Variants in ENTPD1 observed in about 807,000 individuals in gnomAD.
The protein encoded by ENTPD1 is ATP diphosphohydrolase.
A neutral mutation model predicts 57.0 loss-of-function variants in ENTPD1; 33 were observed. The observed-to-expected ratio is 0.58, with a 90% CI of 0.44 to 0.77. The LOEUF (loss-of-function observed/expected upper bound fraction) is 0.77, where lower values mean the gene tolerates loss of function less well. ENTPD1 is among the 30% of genes least tolerant of loss of function. The probability of loss-of-function intolerance (pLI) is 0.00; values close to 1 mark genes in which losing one functional copy is unlikely to be tolerated. For missense variants in ENTPD1, 501 were observed against 603.4 expected (o/e 0.83, Z 1.78); for synonymous variants, 202 against 218.8 (o/e 0.92, Z 0.68).
At chr10:95,719,795 C>G (rs1489159210) in intron 1 of ENTPD1, among the ~76,000 whole-genome samples, 4 of 152,310 alleles carry the variant, frequency 2.6e-5, no homozygotes, top group Admixed American at 2.6e-4. Flanking sequence ...TGGGGGCTAT[C>G]CCTGAACCCT....
chr10:95,864,971 A>G (rs2098471615), intron 9 of ENTPD1, 110 bp downstream of exon 9: 3 of 1,307,654 alleles, frequency 2.3e-6, no homozygotes, highest in Non-Finnish European at 3.2e-6. Context: ...CTTTGGCTTG[A>G]TGTCCTGTTC....
chr10:95,794,509 G>A (rs556436202), intron 1 of ENTPD1, among the ~76,000 whole-genome samples: 23 of 152,242 alleles, frequency 1.5e-4, no homozygotes, highest in African/African-American at 4.1e-4. Flanking sequence ...CCCAGCCCCC[G>A]AGGGATTCTG....
At chr10:95,724,789 C>G (rs1189686555) in intron 1 of ENTPD1, among the ~76,000 whole-genome samples, 2 of 152,252 alleles carry the variant, frequency 1.3e-5, no homozygotes, top group African/African-American at 4.8e-5. Context: ...CAAACATGGA[C>G]CAGAAGAGTG....
chr10:95,718,817 T>C (rs1488877672), intron 1 of ENTPD1, among the ~76,000 whole-genome samples: 2 of 152,166 alleles, frequency 1.3e-5, no homozygotes, highest in African/African-American at 4.8e-5. Flanking sequence ...AAGTTGAGGT[T>C]GGGATCAGTT....
chr10:95,778,986 C>T (rs1162718530), intron 1 of ENTPD1, among the ~76,000 whole-genome samples: 1 of 152,042 alleles, frequency 6.6e-6, no homozygotes, highest in Non-Finnish European at 1.5e-5. Flanking sequence ...GGTCATAGAC[C>T]AAAAGTACTG....
the ENTPD1 span, among the ~76,000 whole-genome samples, chr10:95,697,274 CA>C: frequency 1.3e-5 from 2 of 150,474 alleles, no homozygotes; most frequent in Non-Finnish European, 3.0e-5. Flanking sequence ...CGGTGGATAG[CA>C]GAAGAATTTT....
intron 1 of ENTPD1, among the ~76,000 whole-genome samples, chr10:95,779,217 C>G (rs1330278907): frequency 1.3e-5 from 2 of 152,112 alleles, no homozygotes; most frequent in African/African-American, 4.8e-5. Flanking sequence ...CATAGAGATC[C>G]TCTCCCATTT....
At chr10:95,825,783 T>C (rs1190779783) in intron 2 of ENTPD1, among the ~76,000 whole-genome samples, 1 of 152,118 alleles carries the variant, frequency 6.6e-6, no homozygotes, top group Non-Finnish European at 1.5e-5. Context: ...TTTCACCATG[T>C]TAGCCAGGAT....
chr10:95,872,467 C>T lies in ENTPD1; in HGVS notation c.*6084C>T, dbSNP rs1266067550. 4.1e-6 allele frequency: 4 copies of T among 985,132 alleles called. No individual in the cohort carries two copies. The highest frequency in any genetic ancestry group is 2.4e-6 in the Non-Finnish European group (2 of 829,640). 61.0% of individuals were successfully genotyped at this position (985,132 alleles called of 1,614,324 possible). ...GTCTTCTCAACTTGGAATACTCTTG[C>T]ACCTTCAAAGCTCATTTCAAATGCC... On this transcript the variant is annotated 3_prime_UTR_variant, in exon 10 of 10. Coordinates refer to ENST00000371205, the MANE Select transcript of ENTPD1 (RefSeq NM_001776.6).
intron 6 of ENTPD1, chr10:95,846,142 TG>T (rs1379457413): frequency 1.2e-5 from 2 of 163,448 alleles, no homozygotes; most frequent in African/African-American, 4.8e-5. Context: ...CTGAGGTGGG[TG>T]GATCACTTGA....
chr10:95,809,191 CA>C (rs2098285746), intron 1 of ENTPD1, among the ~76,000 whole-genome samples: 1 of 152,192 alleles, frequency 6.6e-6, no homozygotes, highest in Admixed American at 6.5e-5. Context: ...TTCTTTTCGA[CA>C]AAACCACCAT....
At chr10:95,864,632 T>G in intron 8 of ENTPD1, 92 bp from the exon 9 acceptor site, 1 of 1,565,468 alleles carries the variant, frequency 6.4e-7, no homozygotes, top group Non-Finnish European at 8.8e-7. Context: ...GCTGGGGCTT[T>G]CCCCTCTCTT....
intron 1 of ENTPD1, among the ~76,000 whole-genome samples, chr10:95,777,137 C>T (rs553478100): frequency 3.9e-5 from 6 of 152,310 alleles, no homozygotes; most frequent in Admixed American, 6.5e-5. Context: ...TCTGTCAGCT[C>T]GTCAAAGTCA....
chr10:95,772,077 C>A (rs893523993), intron 1 of ENTPD1, among the ~76,000 whole-genome samples: 1 of 152,196 alleles, frequency 6.6e-6, no homozygotes, highest in Non-Finnish European at 1.5e-5. Context: ...AAAAAATGCA[C>A]CTTAATTAAA....
chr10:95,864,667 G>T, intron 8 of ENTPD1, 57 bp from the exon 9 acceptor site: 1 of 1,610,206 alleles, frequency 6.2e-7, no homozygotes, highest in Non-Finnish European at 8.5e-7. Flanking sequence ...GAGAAAAAGA[G>T]GGCCACAGAG....
chr10:95,717,873 A>G (rs527705406), intron 1 of ENTPD1, among the ~76,000 whole-genome samples: 1 of 152,260 alleles, frequency 6.6e-6, no homozygotes, highest in Admixed American at 6.5e-5. Context: ...TCTGCAGTAG[A>G]TCTCAGTCAT....
At position 95,873,348 on chromosome 10, in the gene ENTPD1, G is replaced by A. The variant is rs1055784811; in HGVS notation, c.*6965G>A. 1.0e-6 allele frequency: 1 copy of A among 985,348 alleles called. No homozygotes were observed. Among genetic ancestry groups the A allele is most frequent in the African/African-American group, 1.7e-5 (1 of 57,218 alleles). 61.0% of individuals were successfully genotyped at this position (985,348 alleles called of 1,614,324 possible). On this transcript the variant is annotated 3_prime_UTR_variant, in exon 10 of 10. Coordinates refer to ENST00000371205, the MANE Select transcript of ENTPD1 (RefSeq NM_001776.6). ...ATACAACAATCCAAGTGTTTCTTTT[G>A]TCAGTTGTCTGTGCCCCAGGAGATC... is the stretch of plus-strand genomic sequence containing the variant.
intron 1 of ENTPD1, among the ~76,000 whole-genome samples, chr10:95,775,896 G>C (rs1019359278): frequency 2.6e-5 from 4 of 152,042 alleles, no homozygotes; most frequent in Non-Finnish European, 4.4e-5. Flanking sequence ...TTATGTAATG[G>C]CCTTCTTTGT....
chr10:95,756,061 AAGAC>A, upstream of ENTPD1: 1 of 1,489,310 alleles, frequency 6.7e-7, no homozygotes, highest in Non-Finnish European at 8.9e-7. Flanking sequence ...GTCAATGAAA[AAGAC>A]AGGGTTTGAG....
Sources: allele counts gnomAD v4.1 joint callset (sites outside exome capture counted in the v4.1 genomes callset), GRCh38; gene constraint gnomAD v4.1.1; transcripts MANE v1.5; gene names NCBI Gene and HGNC (gene_info 2026-07-23, HGNC 2026-07-21).